The following ASAH2 variants were observed in gnomAD, a reference collection of about 807,000 sequenced individuals.
ASAH2 encodes neutral ceramidase.
In ASAH2, 58 loss-of-function variants were observed where a neutral mutation model predicts 82.9. That is an observed-to-expected ratio of 0.70 (90% CI 0.57 to 0.87). The LOEUF is 0.87. Among genes scored for constraint, ASAH2 ranks in the 40% least tolerant of loss-of-function variants. The probability of loss-of-function intolerance (pLI) is 0.00; values close to 1 mark genes in which losing one functional copy is unlikely to be tolerated. For missense variants in ASAH2, 779 were observed against 834.0 expected (o/e 0.93, Z 0.81); for synonymous variants, 276 against 289.7 (o/e 0.95, Z 0.48).
chr10:50,224,730 C>A (rs965694735), intron 7 of ASAH2, among the ~76,000 whole-genome samples: 1 of 152,094 alleles, frequency 6.6e-6, no homozygotes, highest in African/African-American at 2.4e-5. Flanking sequence ...GTGGCACTTG[C>A]CATTAATTAC....
At chr10:50,200,849 C>T (rs1000903795) in intron 16 of ASAH2, among the ~76,000 whole-genome samples, 92 of 152,156 alleles carry the variant, frequency 6.0e-4, no homozygotes, top group African/African-American at 2.0e-3. Flanking sequence ...AGAGTGGTTC[C>T]CTGGCAAAGG....
rs760223490 is a variant in ASAH2 at position 50,211,128 on chromosome 10, A to G, written c.1234T>C (p.Tyr412His). 4 of 1,611,274 alleles carry G rather than the reference A, an allele frequency of 2.5e-6. No homozygotes were observed. In the South Asian group the frequency reaches 3.3e-5, roughly 13 times the overall value. Residue 412 changes from tyrosine (Y) to histidine (H), a missense_variant, in exon 11 of 21, where the codon TAT becomes CAT. By Grantham distance (83) the Tyr-to-His change is moderately conservative. Transcript: ENST00000682911. ...GTTACCTCCTGGGAGGCAGAGGCAT[A>G]GAGTTCCTAGAAAACACACAGGCTT... ...RAMYQRAKEL[Y>H]ASASQEVTGP...
At chr10:50,220,528 A>G (rs1007166725) in intron 7 of ASAH2, among the ~76,000 whole-genome samples, 11 of 152,188 alleles carry the variant, frequency 7.2e-5, no homozygotes, top group African/African-American at 2.4e-4. Flanking sequence ...AAACAAACAC[A>G]GGAACAGAAA....
At chr10:50,205,093 T>C in intron 13 of ASAH2, 138 bp from the exon 14 acceptor site, 1 of 598,228 alleles carries the variant, frequency 1.7e-6, no homozygotes, top group East Asian at 2.9e-5. Flanking sequence ...ATTTATGTCC[T>C]AGTCATAACA....
At chr10:50,241,198 T>C (rs1846284021) in intron 4 of ASAH2, among the ~76,000 whole-genome samples, 1 of 152,190 alleles carries the variant, frequency 6.6e-6, no homozygotes, top group Admixed American at 6.5e-5. Flanking sequence ...TTGATTGCCA[T>C]AGAACCTAAA....
chr10:50,185,318 C>G lies in ASAH2; in HGVS notation c.*1997G>C, dbSNP rs1844716544. 2 of 144,166 alleles carry G rather than the reference C, an allele frequency of 1.4e-5. No individual in the cohort carries two copies. Among genetic ancestry groups the G allele is most frequent in the Admixed American group, 7.0e-5 (1 of 14,360 alleles). 8.9% of individuals were successfully genotyped at this position (144,166 alleles called of 1,614,324 possible). ...AACTGCGAACATAGAACTGCATGCC[C>G]TAGAAGAAATGACAGCTGGTGAGAA... On this transcript the variant is annotated 3_prime_UTR_variant, in exon 21 of 21. Coordinates refer to ENST00000682911, the MANE Select transcript of ASAH2 (RefSeq NM_019893.4).
intron 7 of ASAH2, among the ~76,000 whole-genome samples, chr10:50,232,554 C>A (rs976699838): frequency 6.6e-6 from 1 of 152,070 alleles, no homozygotes; most frequent in Admixed American, 6.6e-5. Flanking sequence ...TTGCAGTAAC[C>A]AAAATCACAT....
intron 1 of ASAH2, among the ~76,000 whole-genome samples, chr10:50,250,820 C>T (rs768425623): frequency 6.6e-5 from 10 of 152,194 alleles, no homozygotes; most frequent in Non-Finnish European, 1.2e-4. Context: ...TTATGCCACT[C>T]AACAATGGCA....
In ASAH2 at chr10:50,213,030, C is replaced by A; in HGVS notation, c.1169G>T (p.Gly390Val). 3.7e-6 allele frequency: 6 copies of A among 1,613,728 alleles called. No individual in the cohort carries two copies. Among genetic ancestry groups the A allele is most frequent in the Non-Finnish European group, 5.1e-6 (6 of 1,179,696 alleles). ...TTGTGTGCTGTCAAACATATCCTGT[C>A]CAGGTCCCTTAGCAATGCACATGCT... Reference protein sequence around the residue: ...GPSMCIAKGPGQDMFDSTQII... With the variant: ...GPSMCIAKGPVQDMFDSTQII... Residue 390 changes from glycine (G) to valine (V), a missense_variant, in exon 10 of 21, where the codon GGA becomes GTA. Physicochemically the swap from Gly to Val is moderately radical, Grantham distance 109. This residue lies in a region of ASAH2 where 759 missense variants were observed against 755.2 expected (regional missense o/e 1.00). Transcript: ENST00000682911.
At chr10:50,231,598 A>G (rs934925076) in intron 7 of ASAH2, among the ~76,000 whole-genome samples, 1 of 152,146 alleles carries the variant, frequency 6.6e-6, no homozygotes, top group Admixed American at 6.6e-5. Flanking sequence ...TATTCATCAT[A>G]ACATACCCCA....
At position 50,203,633 on chromosome 10, in the gene ASAH2, A is replaced by G; in HGVS notation, c.1665+7T>C. 6.2e-7 allele frequency: 1 copy of G among 1,611,434 alleles called. No homozygotes were observed. ...CATGTAGATATGTTATTTTATTTTT[A>G]ACTTACTGCTTGAACTGCCTCTCGA... is the stretch of plus-strand genomic sequence containing the variant. On this transcript the variant is annotated splice_region_variant and intron_variant, in intron 15 of 20. Transcript: ENST00000682911.
chr10:50,233,041 A>G (rs1846057570), intron 7 of ASAH2, 143 bp downstream of exon 7: 3 of 749,008 alleles, frequency 4.0e-6, no homozygotes, highest in Non-Finnish European at 7.3e-6. Context: ...GCTGGACCCC[A>G]GTTGTGTCTG....
intron 7 of ASAH2, among the ~76,000 whole-genome samples, chr10:50,231,802 C>T (rs1196658439): frequency 6.6e-6 from 1 of 152,140 alleles, no homozygotes; most frequent in African/African-American, 2.4e-5. Flanking sequence ...GAATTTCAAG[C>T]ATTCTAATAT....
chr10:50,205,717 A>G (rs1443164543), intron 13 of ASAH2, among the ~76,000 whole-genome samples: 1 of 152,008 alleles, frequency 6.6e-6, no homozygotes, highest in African/African-American at 2.4e-5. Context: ...TGAGTAAGAT[A>G]AATGTTCATC....
At chr10:50,238,871 A>G (rs1208712728) in intron 4 of ASAH2, among the ~76,000 whole-genome samples, 1 of 152,238 alleles carries the variant, frequency 6.6e-6, no homozygotes, top group African/African-American at 2.4e-5. Flanking sequence ...ATTTTAAACT[A>G]CAGTCTCTGA....
chr10:50,243,077 A>G, intron 4 of ASAH2, 125 bp downstream of exon 4: 1 of 1,108,514 alleles, frequency 9.0e-7, no homozygotes, highest in Non-Finnish European at 1.3e-6. Flanking sequence ...TCCAGAGCGT[A>G]TAATATTGAA....
At position 50,202,813 on chromosome 10, in the gene ASAH2, A is replaced by C; in HGVS notation, c.1761+16T>G. ...GGGGTATAATTCATTTAAATGATGA[A>C]AACGTTTTGCTTTACCTGGTATTCT... is the stretch of plus-strand genomic sequence containing the variant. On this transcript the variant is annotated intron_variant, in intron 16 of 20. Coordinates refer to ENST00000682911, the MANE Select transcript of ASAH2 (RefSeq NM_019893.4). The C allele has an allele frequency of 6.5e-7, 1 of 1,546,594 alleles. No homozygotes were observed.
At chr10:50,230,523 C>G (rs1845995673) in intron 7 of ASAH2, among the ~76,000 whole-genome samples, 1 of 152,082 alleles carries the variant, frequency 6.6e-6, no homozygotes, top group African/African-American at 2.4e-5. Context: ...CACTATGCAA[C>G]AAGAGGCAAT....
At chr10:50,219,489 A>G (rs1012568107) in intron 7 of ASAH2, among the ~76,000 whole-genome samples, 13 of 152,210 alleles carry the variant, frequency 8.5e-5, no homozygotes, top group Non-Finnish European at 1.8e-4. Context: ...GGTGAAAAGG[A>G]TATTTACAGA....
Sources: gnomAD v4.1 joint callset for allele counts (sites outside exome capture counted in the v4.1 genomes callset) on GRCh38, gnomAD v4.1.1 for gene constraint, gnomAD v4.1.1 regional missense constraint, MANE v1.5 for transcripts, NCBI Gene and HGNC (gene_info 2026-07-23, HGNC 2026-07-21) for gene names.